Variants in BICRA observed in about 807,000 individuals in gnomAD.
The protein encoded by BICRA is BRD4-interacting chromatin-remodeling complex-associated protein.
A neutral mutation model predicts 96.9 loss-of-function variants in BICRA; 31 were observed. That is an observed-to-expected ratio of 0.32 (90% CI 0.24 to 0.43). BICRA has a LOEUF of 0.43. BICRA is among the 20% of genes least tolerant of loss of function. The probability of loss-of-function intolerance (pLI) is 1.00; values close to 1 mark genes in which losing one functional copy is unlikely to be tolerated. For synonymous variants in BICRA, 1,350 were observed against 1,071.8 expected (o/e 1.26, Z -5.07); for missense variants, 2,283 against 2,190.3 (o/e 1.04, Z -0.84).
At chr19:47,692,577 T>C (rs1165698815) in intron 7 of BICRA, among the ~76,000 whole-genome samples, 2 of 152,326 alleles carry the variant, frequency 1.3e-5, no homozygotes, top group Non-Finnish European at 2.9e-5. Context: ...CAGGTCAAAG[T>C]TGTGACCCTT....
intron 1 of BICRA, among the ~76,000 whole-genome samples, chr19:47,631,393 A>G (rs571228145): frequency 6.6e-6 from 1 of 152,146 alleles, no homozygotes; most frequent in South Asian, 2.1e-4. Flanking sequence ...ACACCCGGCT[A>G]ATTTTTGTAT....
At chr19:47,631,836 A>G (rs1972226170) in intron 1 of BICRA, among the ~76,000 whole-genome samples, 1 of 151,996 alleles carries the variant, frequency 6.6e-6, no homozygotes, top group African/African-American at 2.4e-5. Context: ...CTTAGTAGAG[A>G]CGGGGTTTCG....
chr19:47,698,499 C>A lies in BICRA; in HGVS notation c.3249-135C>A. On this transcript the variant is annotated intron_variant, in intron 11 of 14. Transcript: ENST00000594866. The surrounding 1 kb of genome is among the most constrained non-coding windows in gnomAD (Gnocchi z 4.8). ...CAAGCACGTTCAGTACATGGGAACA[C>A]CACTGCCCAAGTATTCCCCTTCCCG... The A allele has an allele frequency of 3.1e-6, 2 of 642,326 alleles. No individual in the cohort carries two copies. Among genetic ancestry groups the A allele is most frequent in the Admixed American group, 2.5e-5 (1 of 39,642 alleles). 39.8% of individuals were successfully genotyped at this position (642,326 alleles called of 1,614,324 possible).
intron 1 of BICRA, among the ~76,000 whole-genome samples, chr19:47,647,248 T>A (rs1972473463): frequency 6.6e-6 from 1 of 152,114 alleles, no homozygotes; most frequent in Non-Finnish European, 1.5e-5. Flanking sequence ...GCCGTATGAA[T>A]GTTTGTGTGC....
intron 1 of BICRA, among the ~76,000 whole-genome samples, chr19:47,669,911 C>T (rs1282212066): frequency 6.6e-6 from 1 of 151,098 alleles, no homozygotes; most frequent in East Asian, 2.0e-4. Flanking sequence ...CTGTCTCGGC[C>T]TCCCAAAGTG....
At chr19:47,650,487 C>T (rs748050698) in intron 1 of BICRA, among the ~76,000 whole-genome samples, 10 of 152,154 alleles carry the variant, frequency 6.6e-5, no homozygotes, top group Non-Finnish European at 1.2e-4. Context: ...GAACTCCTGA[C>T]CTCAAGTGAT....
chr19:47,682,194 G>C, intron 7 of BICRA, 42 bp downstream of exon 7: 1 of 860,828 alleles, frequency 1.2e-6, no homozygotes. Flanking sequence ...CACAGACCCA[G>C]CCTCGCCCCT....
chr19:47,684,243 C>G (rs1393698117), intron 7 of BICRA, among the ~76,000 whole-genome samples: 2 of 152,098 alleles, frequency 1.3e-5, no homozygotes, highest in African/African-American at 4.8e-5. Context: ...AGTGCAGTGG[C>G]AAGATCTCGG....
Position 47,680,487 on chromosome 19 carries a change from C to T in BICRA, c.1317C>T (p.Pro439=), listed in dbSNP as rs1332941469. The T allele has an allele frequency of 1.3e-6, 2 of 1,542,392 alleles. No homozygotes were observed. The highest frequency in any genetic ancestry group is 2.4e-5 in the East Asian group (1 of 40,830). Residue 439 remains proline (P), a synonymous_variant, in exon 6 of 15, where the codon CCC becomes CCT. Transcript: ENST00000594866. ...CCACCGGAGCGGCCCCGCCGCAGCC[C>T]CCCGGGGCCCTGAGCAAACCCATGA... ...ATTTGAAPPQ[P]PGALSKPMSV...
chr19:47,663,547 T>A (rs150089339), intron 1 of BICRA: 1 of 152,210 alleles, frequency 6.6e-6, no homozygotes, highest in Non-Finnish European at 1.5e-5. Context: ...CAAAAGACTG[T>A]CTTTCTGGAG....
At chr19:47,690,193 G>A (rs1017992916) in intron 7 of BICRA, among the ~76,000 whole-genome samples, 2 of 151,844 alleles carry the variant, frequency 1.3e-5, no homozygotes, top group African/African-American at 4.8e-5. Context: ...ATAGAGACGG[G>A]GTTTCACCAT....
Position 47,698,961 on chromosome 19 carries a change from G to A in BICRA, c.3398-4G>A, listed in dbSNP as rs202149675. On this transcript the variant is annotated splice_polypyrimidine_tract_variant and splice_region_variant and intron_variant, in intron 12 of 14. Transcript: ENST00000594866. This position sits in a 1 kb window ranked among gnomAD's most constrained non-coding sequence, Gnocchi z 4.8. ...CGCCCTTGCCTCTCTTCCCTTCCTC[G>A]CAGTGGACGAGGAGTTTGAGACGGT... is the stretch of plus-strand genomic sequence containing the variant. 2.2e-5 allele frequency: 34 copies of A among 1,573,146 alleles called. No homozygotes were observed. The highest frequency in any genetic ancestry group is 4.1e-5 in the African/African-American group (3 of 73,664).
In BICRA at chr19:47,681,973, C is replaced by G; in HGVS notation, c.2107-3C>G. On this transcript the variant is annotated splice_region_variant and splice_polypyrimidine_tract_variant and intron_variant, in intron 6 of 14. Transcript: ENST00000594866. Reference sequence around the variant, plus strand: ...CTGATCCTGTGCGGGCTGCCCGTTGCAGGAGAGGAGCCAGCAGCCCCTCTC... The same window carrying G: ...CTGATCCTGTGCGGGCTGCCCGTTGGAGGAGAGGAGCCAGCAGCCCCTCTC... 10 of 1,554,922 alleles carry G rather than the reference C, an allele frequency of 6.4e-6. No homozygotes were observed. The highest frequency in any genetic ancestry group is 8.7e-6 in the Non-Finnish European group (10 of 1,155,120).
chr19:47,642,566 G>A (rs2123536840), intron 1 of BICRA, among the ~76,000 whole-genome samples: 1 of 152,218 alleles, frequency 6.6e-6, no homozygotes, highest in African/African-American at 2.4e-5. Context: ...GCCAAGCATG[G>A]TGGCACGCGC....
upstream of BICRA, among the ~76,000 whole-genome samples, chr19:47,608,865 GT>G (rs1424820841): frequency 6.9e-6 from 1 of 144,464 alleles, no homozygotes; most frequent in East Asian, 2.0e-4. Context: ...GAGGAAGGGG[GT>G]GGGGGGCGGA....
At chr19:47,690,811 T>TGTGC (rs1973230603) in intron 7 of BICRA, among the ~76,000 whole-genome samples, 2 of 151,224 alleles carry the variant, frequency 1.3e-5, no homozygotes, top group Admixed American at 6.6e-5. Flanking sequence ...TGTGTGTGTG[T>TGTGC]GTGCGCACTT....
chr19:47,697,602 C>T (rs963334823), intron 11 of BICRA, among the ~76,000 whole-genome samples: 4 of 152,056 alleles, frequency 2.6e-5, no homozygotes, highest in Admixed American at 2.0e-4. Context: ...CTCAGTCTCC[C>T]GAGTAGCTGA....
In BICRA at chr19:47,698,542, G is replaced by A. The variant is rs573023256; in HGVS notation, c.3249-92G>A. On this transcript the variant is annotated intron_variant, in intron 11 of 14. Coordinates refer to ENST00000594866, the MANE Select transcript of BICRA (RefSeq NM_001394372.1). This position sits in a 1 kb window ranked among gnomAD's most constrained non-coding sequence, Gnocchi z 4.8. The stretch of plus-strand genomic sequence containing the variant: ...CCTTCCCGCTGTTGTGTTCAGTTGC[G>A]GCCTGGGGCTGAGGGTTCAGGGACT... 1.4e-6 allele frequency: 1 copy of A among 698,922 alleles called. No individual in the cohort carries two copies. Among genetic ancestry groups the A allele is most frequent in the Non-Finnish European group, 2.6e-6 (1 of 378,822 alleles). 43.3% of individuals were successfully genotyped at this position (698,922 alleles called of 1,614,324 possible).
intron 1 of BICRA, among the ~76,000 whole-genome samples, chr19:47,657,720 CT>C (rs1972641776): frequency 6.6e-6 from 1 of 152,072 alleles, no homozygotes; most frequent in Non-Finnish European, 1.5e-5. Context: ...TGTACAGGTG[CT>C]TTTGTGGACA....
Sources: gnomAD v4.1 joint callset for allele counts (sites outside exome capture counted in the v4.1 genomes callset) on GRCh38, gnomAD v4.1.1 for gene constraint, Gnocchi (gnomAD v3.1) non-coding constraint, MANE v1.5 for transcripts, NCBI Gene and HGNC (gene_info 2026-07-23, HGNC 2026-07-21) for gene names.